Variants in PCDH17 observed in about 807,000 individuals in gnomAD.
PCDH17 encodes the protein protocadherin 17, also known as protocadherin-17.
In PCDH17, 21 loss-of-function variants were observed where a neutral mutation model predicts 67.7. The observed-to-expected ratio is 0.31, with a 90% CI of 0.22 to 0.45. The LOEUF (loss-of-function observed/expected upper bound fraction) is 0.45, where lower values mean the gene tolerates loss of function less well. PCDH17 is among the 20% of genes least tolerant of loss of function. The pLI is 1.00. For synonymous variants in PCDH17, 701 were observed against 656.7 expected (o/e 1.07, Z -1.03); for missense variants, 1,471 against 1,564.8 (o/e 0.94, Z 1.01).
At chr13:57,708,825 C>G (rs1303138758) in intron 3 of PCDH17, among the ~76,000 whole-genome samples, 26 of 151,904 alleles carry the variant, frequency 1.7e-4, no homozygotes, top group Non-Finnish European at 1.5e-5. Context: ...CACCAACAGG[C>G]ATTTTTTGTT....
Position 57,634,358 on chromosome 13 carries a change from C to G in PCDH17, c.1812C>G (p.Gly604=), listed in dbSNP as rs761902836. Residue 604 remains glycine, a synonymous_variant, in exon 1 of 4, where the codon GGC becomes GGG. Coordinates refer to ENST00000377918, the MANE Select transcript of PCDH17 (RefSeq NM_001040429.3). This position sits in a 1 kb window ranked among gnomAD's most constrained non-coding sequence, Gnocchi z 7.8. ...AGGTGCCGCGCAACGCTGGCCTGGG[C>G]TATCTGGTGAGCACTGTGCGCGCCC... is the stretch of plus-strand genomic sequence containing the variant. ...ELQVPRNAGL[G]YLVSTVRALD... 2 of 1,612,634 alleles carry G rather than the reference C, an allele frequency of 1.2e-6. No homozygotes were observed. Among genetic ancestry groups the G allele is most frequent in the Non-Finnish European group, 1.7e-6 (2 of 1,179,942 alleles).
intron 3 of PCDH17, among the ~76,000 whole-genome samples, chr13:57,676,770 T>C (rs1955395203): frequency 6.6e-6 from 1 of 151,864 alleles, no homozygotes; most frequent in Non-Finnish European, 1.5e-5. Flanking sequence ...AGTTTTTACA[T>C]TTCATTTCCA....
intron 1 of PCDH17, among the ~76,000 whole-genome samples, chr13:57,640,050 A>G (rs1954871420): frequency 6.6e-6 from 1 of 152,016 alleles, no homozygotes; most frequent in African/African-American, 2.4e-5. Context: ...CCCAAATATC[A>G]TCTCTCTTCA....
At chr13:57,720,960 AG>A (rs1566248528) in intron 3 of PCDH17, among the ~76,000 whole-genome samples, 1 of 152,238 alleles carries the variant, frequency 6.6e-6, no homozygotes, top group Middle Eastern at 3.4e-3. Flanking sequence ...ATACTAAACA[AG>A]TGTTTAAAGT....
chr13:57,634,913 C>A lies in PCDH17; in HGVS notation c.2367C>A (p.Pro789=), dbSNP rs770503793. ...ACGTCATGAACGTGGTGAGCAGCCC[C>A]TCCCTGGCCACCTCCCCCATGTACT... ...AMNVMNVVSS[P]SLATSPMYFD... Residue 789 remains proline, a synonymous_variant, in exon 1 of 4, where the codon CCC becomes CCA. Coordinates refer to ENST00000377918, the MANE Select transcript of PCDH17 (RefSeq NM_001040429.3). This position sits in a 1 kb window ranked among gnomAD's most constrained non-coding sequence, Gnocchi z 7.8. The A allele has an allele frequency of 6.2e-7, 1 of 1,614,002 alleles. No homozygotes were observed. Among genetic ancestry groups the A allele is most frequent in the Non-Finnish European group, 8.5e-7 (1 of 1,179,990 alleles).
chr13:57,667,441 A>G (rs1461689661), intron 3 of PCDH17, among the ~76,000 whole-genome samples: 6 of 152,032 alleles, frequency 3.9e-5, no homozygotes, highest in Admixed American at 3.3e-4. Flanking sequence ...TCATCTCATG[A>G]CTTTTTATTA....
chr13:57,718,915 G>T (rs1165677197), intron 3 of PCDH17, among the ~76,000 whole-genome samples: 1 of 151,984 alleles, frequency 6.6e-6, no homozygotes, highest in Non-Finnish European at 1.5e-5. Context: ...CCTCTTAACA[G>T]AAAACTATTA....
intron 3 of PCDH17, among the ~76,000 whole-genome samples, chr13:57,717,723 A>G (rs900877874): frequency 3.3e-5 from 5 of 152,046 alleles, no homozygotes; most frequent in African/African-American, 1.2e-4. Flanking sequence ...TAGTATTATA[A>G]CAACTTCCTT....
chr13:57,721,069 G>T (rs1321984909), intron 3 of PCDH17, among the ~76,000 whole-genome samples: 2 of 152,070 alleles, frequency 1.3e-5, no homozygotes, highest in African/African-American at 4.8e-5. Context: ...AGTTTACAGT[G>T]TCTAATATAG....
At position 57,707,506 on chromosome 13, in the gene PCDH17, G is replaced by T. The variant is rs541691611; in HGVS notation, c.2798-17106G>T. On this transcript the variant is annotated intron_variant, in intron 3 of 3. Transcript: ENST00000377918. ...GGCTTTTTCTACCAAACACCTCAAA[G>T]ATCTTTTAGCTTCTACCCATGGCAG... Among the ~76,000 whole-genome samples the T allele has an allele frequency of 5.0e-4, 76 of 151,992 alleles. 1 individual carries two copies. Among genetic ancestry groups the T allele is most frequent in the South Asian group, 1.5e-3 (7 of 4,806 alleles).
Position 57,725,495 on chromosome 13 carries a change from G to C in PCDH17, c.*201G>C. The stretch of plus-strand genomic sequence containing the variant: ...TCAGAGATAACAATGGTTTCGTTTT[G>C]ACCAAACTTGTATTAGGACAGAATT... On this transcript the variant is annotated 3_prime_UTR_variant, in exon 4 of 4. Transcript: ENST00000377918. 1 of 519,846 alleles carries C rather than the reference G, an allele frequency of 1.9e-6. No homozygotes were observed. Among genetic ancestry groups the C allele is most frequent in the Non-Finnish European group, 3.4e-6 (1 of 295,404 alleles). The allele number at this position is 519,846 out of a possible 1,614,324, so 32.2% of individuals were successfully genotyped here.
rs2138112438 is a variant in PCDH17 at position 57,728,394 on chromosome 13, G to A, written c.*3100G>A. 1 of 151,716 alleles carries A rather than the reference G, an allele frequency of 6.6e-6. No homozygotes were observed. Among genetic ancestry groups the A allele is most frequent in the East Asian group, 1.9e-4 (1 of 5,140 alleles). 9.4% of individuals were successfully genotyped at this position (151,716 alleles called of 1,614,324 possible). A position where few individuals can be genotyped will look rare whatever the true frequency, so the allele number is the denominator to read the frequency against. ...AAAAAAGCCCACACATACAAAATAT[G>A]TGATGTGATACCACTTTGTCTTTTA... On this transcript the variant is annotated 3_prime_UTR_variant, in exon 4 of 4. Coordinates refer to ENST00000377918, the MANE Select transcript of PCDH17 (RefSeq NM_001040429.3).
chr13:57,691,424 AT>A (rs1348524028), intron 3 of PCDH17, among the ~76,000 whole-genome samples: 2 of 151,036 alleles, frequency 1.3e-5, no homozygotes, highest in African/African-American at 2.4e-5. Context: ...ATAATAGATA[AT>A]TTTTTTTAAA....
intron 3 of PCDH17, among the ~76,000 whole-genome samples, chr13:57,683,655 T>A (rs145335481): frequency 2.6e-5 from 4 of 151,968 alleles, no homozygotes; most frequent in Admixed American, 6.6e-5. Context: ...CAGCTTATCC[T>A]GTGAGTAAAT....
At chr13:57,701,305 G>A (rs1218751304) in intron 3 of PCDH17, among the ~76,000 whole-genome samples, 2 of 152,082 alleles carry the variant, frequency 1.3e-5, no homozygotes, top group African/African-American at 4.8e-5. Flanking sequence ...AACATAACCT[G>A]TAGAAGTGAA....
rs1263222078 is a variant in PCDH17, at chr13:57,634,556, G to A, written c.2010G>A (p.Lys670=). The A allele has an allele frequency of 1.2e-6, 2 of 1,613,074 alleles. No homozygotes were observed. The highest frequency in any genetic ancestry group is 1.7e-6 in the Non-Finnish European group (2 of 1,180,006). Residue 670 remains lysine (K), a synonymous_variant, in exon 1 of 4, where the codon AAG becomes AAA. Coordinates refer to ENST00000377918, the MANE Select transcript of PCDH17 (RefSeq NM_001040429.3). The surrounding 1 kb of genome is among the most constrained non-coding windows in gnomAD (Gnocchi z 7.8). ...ELVVKVTDHG[K]PTLSAVAKLI... is the part of the protein sequence containing the mutation. The stretch of plus-strand genomic sequence containing the variant: ...TGGTGAAGGTGACCGACCACGGCAA[G>A]CCTACCCTGTCCGCAGTGGCCAAGC...
intron 1 of PCDH17, among the ~76,000 whole-genome samples, chr13:57,658,760 G>A (rs918037254): frequency 3.5e-4 from 39 of 110,488 alleles, no homozygotes; most frequent in African/African-American, 1.8e-3. Context: ...CGGGTTTTTC[G>A]TTTGTTTGTT....
intron 1 of PCDH17, among the ~76,000 whole-genome samples, chr13:57,650,962 G>C (rs546411098): frequency 6.6e-6 from 1 of 151,980 alleles, no homozygotes; most frequent in Non-Finnish European, 1.5e-5. Context: ...CAGAGATATC[G>C]ATATGTTTAA....
intron 3 of PCDH17, among the ~76,000 whole-genome samples, chr13:57,691,014 C>G (rs1171124473): frequency 6.6e-6 from 1 of 151,408 alleles, no homozygotes; most frequent in Non-Finnish European, 1.5e-5. Context: ...TTAAAAATTA[C>G]AGCCTCAGAA....
Sources: gnomAD v4.1 joint callset for allele counts (sites outside exome capture counted in the v4.1 genomes callset) on GRCh38, gnomAD v4.1.1 for gene constraint, Gnocchi (gnomAD v3.1) non-coding constraint, MANE v1.5 for transcripts, NCBI Gene and HGNC (gene_info 2026-07-23, HGNC 2026-07-21) for gene names.